The following MDFI variants were observed in gnomAD, a reference collection of about 807,000 sequenced individuals.
MDFI encodes the protein inhibitor of MyoD family a.
MDFI carries 16 observed loss-of-function variants against 22.3 expected under a neutral mutation model. The ratio of observed to expected loss-of-function variants is 0.72; its 90% CI spans 0.49 to 1.09. The LOEUF is 1.09. MDFI is among the 50% of genes least tolerant of loss of function. The pLI, the probability that MDFI is intolerant of heterozygous loss-of-function variation, is 0.00. For synonymous variants in MDFI, 145 were observed against 142.7 expected, an observed-to-expected ratio of 1.02 and a Z score of -0.12; for missense variants, 314 against 326.1, an observed-to-expected ratio of 0.96 and a Z score of 0.29.
intron 2 of MDFI, among the ~76,000 whole-genome samples, chr6:41,643,528 AG>A (rs1767925516): frequency 1.7e-5 from 1 of 59,532 alleles, no homozygotes; most frequent in Admixed American, 1.6e-4. Flanking sequence ...CAGCACAGGA[AG>A]GAGGGAAGGA....
chr6:41,646,106 G>A lies in MDFI; in HGVS notation c.77-20G>A. ...GAAGGCCCCAGGAAAATGGACCTCA[G>A]TCATCTGCTTTTTTCCTAGCCCAGA... On this transcript the variant is annotated intron_variant, in intron 2 of 4. Coordinates refer to ENST00000230321, the MANE Select transcript of MDFI (RefSeq NM_005586.4). 6.9e-7 allele frequency: 1 copy of A among 1,449,294 alleles called. No individual in the cohort carries two copies. Among genetic ancestry groups the A allele is most frequent in the Non-Finnish European group, 9.1e-7 (1 of 1,096,438 alleles). The allele number at this position is 1,449,294 out of a possible 1,614,324, so 89.8% of individuals were successfully genotyped here.
rs1014477233 is a variant in MDFI at position 41,646,304 on chromosome 6, G to A, written c.255G>A (p.Val85=). 1 of 1,434,968 alleles carries A rather than the reference G, an allele frequency of 7.0e-7. No homozygotes were observed. The highest frequency in any genetic ancestry group is 9.2e-7 in the Non-Finnish European group (1 of 1,089,970). 88.9% of individuals were successfully genotyped at this position (1,434,968 alleles called of 1,614,324 possible). ...ACCTCGACGTCCCCACAGAAGCTGT[G>A]ACATGTGAGTCCTAGGGGGCCAGGA... ...STDLDVPTEA[V]TCQPQGNPLG... is the part of the protein sequence containing the mutation. Residue 85 remains valine (V), a synonymous_variant, in exon 3 of 5, where the codon GTG becomes GTA. Coordinates refer to ENST00000230321, the MANE Select transcript of MDFI (RefSeq NM_005586.4).
chr6:41,638,421 G>A (rs1057107228), upstream of MDFI: 29 of 356,394 alleles, frequency 8.1e-5, no homozygotes, highest in Non-Finnish European at 1.4e-4. This position sits in a 1 kb window ranked among gnomAD's most constrained non-coding sequence, Gnocchi z 7.6. Context: ...GAGGGGAGGG[G>A]AGAGGCGAGT....
Position 41,649,761 on chromosome 6 carries a change from A to G in MDFI, c.402A>G (p.Pro134=), listed in dbSNP as rs200527285. Residue 134 remains proline, a synonymous_variant, in exon 4 of 5, where the codon CCA becomes CCG. Coordinates refer to ENST00000230321, the MANE Select transcript of MDFI (RefSeq NM_005586.4). ...CCCACCGGAAGTTGCAGACACACCC[A>G]TCTCTCGCCAGCCAGGGCAGCAAGA... ...PKAHRKLQTH[P]SLASQGSKKS... The G allele has an allele frequency of 1.4e-5, 23 of 1,614,042 alleles. No homozygotes were observed. In the East Asian group the frequency reaches 4.5e-4, roughly 31 times the overall value.
chr6:41,644,912 C>T (rs1016592071), intron 2 of MDFI, among the ~76,000 whole-genome samples: 5 of 151,778 alleles, frequency 3.3e-5, no homozygotes, highest in Admixed American at 6.6e-5. Flanking sequence ...CCTGTCTGCC[C>T]GTGTCCCCCT....
intron 2 of MDFI, among the ~76,000 whole-genome samples, chr6:41,645,653 G>A (rs563375651): frequency 5.2e-4 from 79 of 152,182 alleles, no homozygotes; most frequent in Non-Finnish European, 8.4e-4. Context: ...CCCGTCTCAG[G>A]CTGTCTGTCA....
chr6:41,637,819 G>T (rs1448836350), upstream of MDFI, among the ~76,000 whole-genome samples: 1 of 152,156 alleles, frequency 6.6e-6, no homozygotes, highest in Non-Finnish European at 1.5e-5. This position sits in a 1 kb window ranked among gnomAD's most constrained non-coding sequence, Gnocchi z 6.8. Context: ...CCCCAAAGTC[G>T]GTTTTCTGAC....
intron 2 of MDFI, chr6:41,639,215 A>C (rs1354222854): frequency 3.0e-6 from 3 of 984,544 alleles, no homozygotes; most frequent in East Asian, 1.1e-4. Flanking sequence ...CGTTGTCTGA[A>C]TCTTTCTCTA....
At chr6:41,639,885 G>C in intron 2 of MDFI, 1 of 985,438 alleles carries the variant, frequency 1.0e-6, no homozygotes. Flanking sequence ...CTGCCTGCCT[G>C]TTCTAGGAGG....
At chr6:41,647,177 C>T (rs3789208) in intron 3 of MDFI, among the ~76,000 whole-genome samples, 57,650 of 151,822 alleles carry the variant, frequency 0.38, 11,882 homozygotes, top group Admixed American at 0.55. Flanking sequence ...CTCCAGCACA[C>T]CCACTAGCAG....
intron 2 of MDFI, among the ~76,000 whole-genome samples, chr6:41,643,194 C>CG (rs964127940): frequency 2.6e-5 from 4 of 152,184 alleles, no homozygotes; most frequent in African/African-American, 9.7e-5. Context: ...GCGGCTCACT[C>CG]GGGGGTCTTG....
At chr6:41,645,163 G>A (rs1768000097) in intron 2 of MDFI, among the ~76,000 whole-genome samples, 1 of 152,056 alleles carries the variant, frequency 6.6e-6, no homozygotes, top group Non-Finnish European at 1.5e-5. Flanking sequence ...CTGATGAGAG[G>A]CCCAGGCTGC....
chr6:41,639,288 G>C (rs1487903256), intron 2 of MDFI: 32 of 985,180 alleles, frequency 3.2e-5, no homozygotes, highest in Middle Eastern at 5.2e-4. Context: ...TGCCGCGAGC[G>C]GCTGCAGGAC....
rs1004919780 is a variant in MDFI at position 41,638,717 on chromosome 6, C to T, written c.-11-22C>T. The T allele has an allele frequency of 7.1e-6, 11 of 1,545,542 alleles. No individual in the cohort carries two copies. Among genetic ancestry groups the T allele is most frequent in the African/African-American group, 5.5e-5 (4 of 73,314 alleles). On this transcript the variant is annotated intron_variant, in intron 1 of 4. Transcript: ENST00000230321. This position sits in a 1 kb window ranked among gnomAD's most constrained non-coding sequence, Gnocchi z 7.6. Reference sequence around the variant, plus strand: ...CCCCTTGCCCGCCTCCGGCGCCGCCCGCTGAGCCCTGTTTTCCGCAGGTCC... The same window carrying T: ...CCCCTTGCCCGCCTCCGGCGCCGCCTGCTGAGCCCTGTTTTCCGCAGGTCC...
At position 41,653,294 on chromosome 6, in the gene MDFI, C is replaced by A. The variant is rs569060104; in HGVS notation, c.485-25C>A. ...CTCATCCCTCCCCTCTCTCACCCGT[C>A]CCCCTCTCCACCGCCACCCCGCAGA... On this transcript the variant is annotated intron_variant, in intron 4 of 4. Transcript: ENST00000230321. This position sits in a 1 kb window ranked among gnomAD's most constrained non-coding sequence, Gnocchi z 4.2. 1.2e-6 allele frequency: 2 copies of A among 1,602,842 alleles called. No individual in the cohort carries two copies. Among genetic ancestry groups the A allele is most frequent in the African/African-American group, 1.3e-5 (1 of 74,878 alleles).
At position 41,638,738 on chromosome 6, in the gene MDFI, G is replaced by A. The variant is rs1224389565; in HGVS notation, c.-11-1G>A. On this transcript the variant is annotated splice_acceptor_variant, in intron 1 of 4. Transcript: ENST00000230321. LOFTEE classifies it low-confidence loss of function (5UTR_SPLICE). This position sits in a 1 kb window ranked among gnomAD's most constrained non-coding sequence, Gnocchi z 7.6. The stretch of plus-strand genomic sequence containing the variant: ...CGCCCGCTGAGCCCTGTTTTCCGCA[G>A]GTCCGGGGCCGATGTACCAGGTGAG... 6.4e-7 allele frequency: 1 copy of A among 1,561,674 alleles called. No homozygotes were observed. Among genetic ancestry groups the A allele is most frequent in the African/African-American group, 1.3e-5 (1 of 74,130 alleles).
At chr6:41,645,448 C>G (rs1768012221) in intron 2 of MDFI, among the ~76,000 whole-genome samples, 1 of 152,106 alleles carries the variant, frequency 6.6e-6, no homozygotes. Context: ...TTGTCCTCCT[C>G]CTGACTGTAG....
At chr6:41,639,479 G>A (rs1027938939) in intron 2 of MDFI, 2 of 985,312 alleles carry the variant, frequency 2.0e-6, no homozygotes, top group East Asian at 1.1e-4. Flanking sequence ...GATTCCTGGG[G>A]GAGCCTCTCA....
rs552936504 is a variant in MDFI, at chr6:41,646,616, C to T, written c.259+308C>T. ...GGAAGAGAGCTACGGGGCTGGGGTC[C>T]GGCAGGGAGCCAGGGCCTGATGCAT... On this transcript the variant is annotated intron_variant, in intron 3 of 4. Coordinates refer to ENST00000230321, the MANE Select transcript of MDFI (RefSeq NM_005586.4). Among the ~76,000 whole-genome samples the T allele has an allele frequency of 2.4e-4, 37 of 152,232 alleles. No homozygotes were observed. The East Asian group carries it at 3.3e-3, about 13-fold the overall frequency.
Sources: gnomAD v4.1 joint callset for allele counts (sites outside exome capture counted in the v4.1 genomes callset) on GRCh38, gnomAD v4.1.1 for gene constraint, Gnocchi (gnomAD v3.1) non-coding constraint, MANE v1.5 for transcripts, NCBI Gene and HGNC (gene_info 2026-07-23, HGNC 2026-07-21) for gene names.